DYNC1I1: variants seen among roughly 807,000 people sequenced by gnomAD.
DYNC1I1 encodes the protein dynein cytoplasmic 1 intermediate chain 1, also known as cytoplasmic dynein 1 intermediate chain 1.
In DYNC1I1, 43 loss-of-function variants were observed where a neutral mutation model predicts 86.6. The observed-to-expected ratio is 0.50, with a 90% CI of 0.39 to 0.64. The LOEUF is 0.64. Among genes scored for constraint, DYNC1I1 ranks in the 30% least tolerant of loss-of-function variants. DYNC1I1 has a pLI of 0.00. For synonymous variants in DYNC1I1, 262 were observed against 283.7 expected, an observed-to-expected ratio of 0.92 and a Z score of 0.77; for missense variants, 604 against 788.8, an observed-to-expected ratio of 0.77 and a Z score of 2.81.
chr7:96,100,248 T>C (rs1204603336), downstream of DYNC1I1, among the ~76,000 whole-genome samples: 15 of 152,172 alleles, frequency 9.9e-5, no homozygotes, highest in Admixed American at 9.8e-4. Flanking sequence ...CAGGACTTTA[T>C]GTCAGCATTG....
chr7:96,007,027 C>T (rs1270360112), intron 10 of DYNC1I1, among the ~76,000 whole-genome samples: 1 of 152,034 alleles, frequency 6.6e-6, no homozygotes, highest in Non-Finnish European at 1.5e-5. Flanking sequence ...ATAAAAAATG[C>T]AAAACAAAAG....
intron 6 of DYNC1I1, among the ~76,000 whole-genome samples, chr7:95,936,589 C>G (rs1792046689): frequency 1.3e-5 from 2 of 151,538 alleles, no homozygotes; most frequent in African/African-American, 4.8e-5. Context: ...AAGAAAATTA[C>G]CAAAAAAGAG....
At chr7:96,012,796 A>G (rs1053294461) in intron 10 of DYNC1I1, among the ~76,000 whole-genome samples, 2 of 152,192 alleles carry the variant, frequency 1.3e-5, no homozygotes, top group African/African-American at 4.8e-5. Flanking sequence ...CCACCCAAAG[A>G]CATCTCTATT....
chr7:95,785,265 T>G (rs1794099141), intron 1 of DYNC1I1, among the ~76,000 whole-genome samples: 1 of 152,060 alleles, frequency 6.6e-6, no homozygotes, highest in African/African-American at 2.4e-5. Flanking sequence ...ATACAAAAAA[T>G]TAGCCAGGCA....
At chr7:95,861,650 G>T (rs908306029) in intron 5 of DYNC1I1, among the ~76,000 whole-genome samples, 2 of 151,824 alleles carry the variant, frequency 1.3e-5, no homozygotes, top group Non-Finnish European at 2.9e-5. Flanking sequence ...AATATGAAGC[G>T]CAGAAACAGC....
intron 15 of DYNC1I1, 136 bp from the exon 16 acceptor site, chr7:96,080,227 C>A: frequency 8.8e-7 from 1 of 1,132,036 alleles, no homozygotes; most frequent in Non-Finnish European, 1.2e-6. Context: ...CTTTTTCCCC[C>A]CGGCACAAGG....
At chr7:95,890,837 G>A (rs1385089165) in intron 6 of DYNC1I1, among the ~76,000 whole-genome samples, 1 of 152,004 alleles carries the variant, frequency 6.6e-6, no homozygotes, top group African/African-American at 2.4e-5. Flanking sequence ...GAAAACTGTT[G>A]GTTTATTAAA....
At chr7:95,988,957 T>C (rs1793662803) in intron 9 of DYNC1I1, among the ~76,000 whole-genome samples, 1 of 152,186 alleles carries the variant, frequency 6.6e-6, no homozygotes, top group Non-Finnish European at 1.5e-5. Flanking sequence ...TAGTGGGGAT[T>C]TATACCAAAG....
intron 9 of DYNC1I1, among the ~76,000 whole-genome samples, chr7:95,995,610 C>T (rs114349963): frequency 0.024 from 3,577 of 152,134 alleles, 149 homozygotes; most frequent in African/African-American, 0.081. Context: ...CCTGCAGGAA[C>T]TGAAAAGAGA....
intron 1 of DYNC1I1, among the ~76,000 whole-genome samples, chr7:95,784,466 C>T (rs1385390049): frequency 6.6e-6 from 1 of 152,014 alleles, no homozygotes; most frequent in Non-Finnish European, 1.5e-5. Flanking sequence ...AGATGCTCAC[C>T]TTCTCTCCCC....
intron 15 of DYNC1I1, among the ~76,000 whole-genome samples, chr7:96,077,098 G>T (rs1790362598): frequency 6.6e-6 from 1 of 152,052 alleles, no homozygotes; most frequent in Non-Finnish European, 1.5e-5. Flanking sequence ...ACAGGTAAGA[G>T]GAACAAGTGC....
chr7:95,906,521 T>C (rs1791181708), intron 6 of DYNC1I1, among the ~76,000 whole-genome samples: 3 of 152,020 alleles, frequency 2.0e-5, no homozygotes, highest in Admixed American at 1.3e-4. Context: ...TTTTCCACCA[T>C]GTGCTCACAG....
rs1043158261 is a variant in DYNC1I1 at position 95,957,822 on chromosome 7, C to A, written c.491-19690C>A. On this transcript the variant is annotated intron_variant, in intron 6 of 16. Transcript: ENST00000447467. ...GAGCTCCATCCCCAGGATCACAGAA[C>A]TTGTCCTTCTGGCTTTGATCTTTAA... Among the ~76,000 whole-genome samples, 7 of 152,024 alleles carry A rather than the reference C, an allele frequency of 4.6e-5. No individual in the cohort carries two copies. In the East Asian group the frequency reaches 1.3e-3, roughly 29 times the overall value.
rs113623018 is a variant in DYNC1I1 at position 95,877,381 on chromosome 7, A to G, written c.490+7383A>G. On this transcript the variant is annotated intron_variant, in intron 6 of 16. Coordinates refer to ENST00000447467, the MANE Select transcript of DYNC1I1 (RefSeq NM_001135556.2). Reference sequence around the variant, plus strand: ...TCATGGTGGGAAAAGCAAGCTAAGTAGACCAGAAGCAATAGCAGTACCCTA... The same window carrying G: ...TCATGGTGGGAAAAGCAAGCTAAGTGGACCAGAAGCAATAGCAGTACCCTA... Among the ~76,000 whole-genome samples the G allele has an allele frequency of 6.2e-4, 95 of 152,310 alleles. 1 individual carries two copies. Among genetic ancestry groups the G allele is most frequent in the Middle Eastern group, 3.4e-3 (1 of 294 alleles).
At chr7:96,014,665 G>C (rs1183830195) in intron 10 of DYNC1I1, among the ~76,000 whole-genome samples, 2 of 152,074 alleles carry the variant, frequency 1.3e-5, no homozygotes, top group Admixed American at 1.3e-4. Context: ...TTCAAGTTTT[G>C]GAATGTTCTG....
At chr7:96,074,910 A>C (rs977319204) in intron 14 of DYNC1I1, among the ~76,000 whole-genome samples, 2 of 152,228 alleles carry the variant, frequency 1.3e-5, no homozygotes, top group South Asian at 4.1e-4. Context: ...GAACCCATGA[A>C]GAGAGTACAG....
intron 6 of DYNC1I1, among the ~76,000 whole-genome samples, chr7:95,879,611 G>A (rs189192440): frequency 9.2e-5 from 14 of 152,250 alleles, no homozygotes; most frequent in South Asian, 8.3e-4. Flanking sequence ...TCAAAGACAC[G>A]GAAATGAGGG....
chr7:95,917,544 G>T (rs949838463), intron 6 of DYNC1I1, among the ~76,000 whole-genome samples: 3 of 152,050 alleles, frequency 2.0e-5, no homozygotes, highest in African/African-American at 7.3e-5. Flanking sequence ...CACTTATATA[G>T]GTATATTTAC....
intron 7 of DYNC1I1, among the ~76,000 whole-genome samples, chr7:95,978,367 G>T (rs1466045689): frequency 6.6e-6 from 1 of 151,884 alleles, no homozygotes; most frequent in Admixed American, 6.6e-5. Flanking sequence ...TAGAAAGAAA[G>T]AAAAAAGAAA....
Sources: allele counts gnomAD v4.1 joint callset (sites outside exome capture counted in the v4.1 genomes callset), GRCh38; gene constraint gnomAD v4.1.1; transcripts MANE v1.5; gene names NCBI Gene and HGNC (gene_info 2026-07-23, HGNC 2026-07-21).